The following GLB1L variants were observed in gnomAD, a reference collection of about 807,000 sequenced individuals.
GLB1L encodes the protein galactosidase beta 1 like.
A neutral mutation model predicts 75.7 loss-of-function variants in GLB1L; 58 were observed. The ratio of observed to expected loss-of-function variants is 0.77; its 90% CI spans 0.62 to 0.95. The LOEUF (loss-of-function observed/expected upper bound fraction) is 0.95, where lower values mean the gene tolerates loss of function less well. Among genes scored for constraint, GLB1L ranks in the 40% least tolerant of loss-of-function variants. GLB1L has a pLI of 0.00. For missense variants in GLB1L, 797 were observed against 805.5 expected, an observed-to-expected ratio of 0.99 and a Z score of 0.13; for synonymous variants, 296 against 303.0, an observed-to-expected ratio of 0.98 and a Z score of 0.24.
chr2:219,243,326 A>C lies in GLB1L; in HGVS notation c.73-12T>G, dbSNP rs908723872. 1 of 1,590,382 alleles carries C rather than the reference A, an allele frequency of 6.3e-7. No individual in the cohort carries two copies. Among genetic ancestry groups the C allele is most frequent in the Middle Eastern group, 1.7e-4 (1 of 5,932 alleles). ...GACCGAGTGTCTGCCTATAAAGAGA[A>C]AGAGACGCTGCTCAGCAGACGCCTG... is the stretch of plus-strand genomic sequence containing the variant. On this transcript the variant is annotated splice_polypyrimidine_tract_variant and intron_variant, in intron 2 of 16. Coordinates refer to ENST00000295759, the MANE Select transcript of GLB1L (RefSeq NM_001286423.2).
chr2:219,238,201 C>G, intron 14 of GLB1L, 49 bp downstream of exon 14: 1 of 1,348,580 alleles, frequency 7.4e-7, no homozygotes, highest in Non-Finnish European at 1.0e-6. Context: ...CTAACGCTTC[C>G]TGGGGAAGGG....
At chr2:219,245,169 A>C (rs973805965) in intron 1 of GLB1L, 60 bp downstream of exon 1, 3 of 152,440 alleles carry the variant, frequency 2.0e-5, no homozygotes, top group Non-Finnish European at 4.4e-5. Context: ...ATCCCCCTCC[A>C]GGCTGCAGTG....
intron 4 of GLB1L, 48 bp downstream of exon 4, chr2:219,242,720 G>A (rs372018600): frequency 9.3e-6 from 15 of 1,607,968 alleles, no homozygotes; most frequent in Non-Finnish European, 1.3e-5. Context: ...GAGTAGTCTA[G>A]GAACTGCACA....
Position 219,236,922 on chromosome 2 carries a change from C to T in GLB1L, c.*150G>A, listed in dbSNP as rs1433219961. 10 of 588,160 alleles carry T rather than the reference C, an allele frequency of 1.7e-5. No individual in the cohort carries two copies. The highest frequency in any genetic ancestry group is 9.3e-5 in the African/African-American group (5 of 53,572). The allele number at this position is 588,160 out of a possible 1,614,324, so 36.4% of individuals were successfully genotyped here. Reference sequence around the variant, plus strand: ...CTGGGATTAGAGGTGCCCACCATCACGCCCGGCTAATTTTTGTATTTTTAG... The same window carrying T: ...CTGGGATTAGAGGTGCCCACCATCATGCCCGGCTAATTTTTGTATTTTTAG... On this transcript the variant is annotated 3_prime_UTR_variant, in exon 17 of 17. Transcript: ENST00000295759.
intron 11 of GLB1L, among the ~76,000 whole-genome samples, 153 bp from the exon 12 acceptor site, chr2:219,238,932 A>G (rs1951319821): frequency 6.6e-6 from 1 of 152,232 alleles, no homozygotes; most frequent in African/African-American, 2.4e-5. Context: ...GTCTTCACAC[A>G]TAGTCCCATT....
At chr2:219,240,683 G>A (rs574716456) in intron 5 of GLB1L, among the ~76,000 whole-genome samples, 1 of 152,292 alleles carries the variant, frequency 6.6e-6, no homozygotes, top group South Asian at 2.1e-4. Context: ...GGCAGAGGTT[G>A]CAGTGAGCCG....
At chr2:219,241,194 C>T (rs1951376417) in intron 5 of GLB1L, among the ~76,000 whole-genome samples, 1 of 151,746 alleles carries the variant, frequency 6.6e-6, no homozygotes, top group Non-Finnish European at 1.5e-5. Context: ...TCCTGGCTAA[C>T]ACAGTGAAAC....
rs749004476 is a variant in GLB1L at position 219,239,697 on chromosome 2, G to A, written c.781-15C>T. On this transcript the variant is annotated splice_polypyrimidine_tract_variant and intron_variant, in intron 8 of 16. Coordinates refer to ENST00000295759, the MANE Select transcript of GLB1L (RefSeq NM_001286423.2). Reference sequence around the variant, plus strand: ...TCAGAGTTTACCTAGAGTGTGAAATGAAAGGAGTGTGAGTGAGATGGAACT... The same window carrying A: ...TCAGAGTTTACCTAGAGTGTGAAATAAAAGGAGTGTGAGTGAGATGGAACT... 6.8e-6 allele frequency: 11 copies of A among 1,614,182 alleles called. No individual in the cohort carries two copies. The highest frequency in any genetic ancestry group is 1.7e-5 in the Admixed American group (1 of 60,024).
chr2:219,242,623 G>A, intron 4 of GLB1L, 49 bp from the exon 5 acceptor site: 1 of 1,560,830 alleles, frequency 6.4e-7, no homozygotes, highest in South Asian at 1.1e-5. Flanking sequence ...TTTGTTTTGG[G>A]GTGTGGTGGG....
chr2:219,244,731 T>C (rs1291135841), intron 1 of GLB1L, among the ~76,000 whole-genome samples: 1 of 152,250 alleles, frequency 6.6e-6, no homozygotes, highest in Non-Finnish European at 1.5e-5. Context: ...CTGAAGGCTA[T>C]GTGTCAGATA....
In GLB1L at chr2:219,237,012, C is replaced by T. The variant is rs571334016; in HGVS notation, c.*60G>A. On this transcript the variant is annotated 3_prime_UTR_variant, in exon 17 of 17. Coordinates refer to ENST00000295759, the MANE Select transcript of GLB1L (RefSeq NM_001286423.2). ...AAGTCCTGACCTCAGGTAATCCACC[C>T]GTCTCAGCCTCCCAAAGTGCTGGGA... 539 of 1,269,606 alleles carry T rather than the reference C, an allele frequency of 4.2e-4. No homozygotes were observed. Among genetic ancestry groups the T allele is most frequent in the Admixed American group, 6.6e-4 (36 of 54,262 alleles). 78.6% of individuals were successfully genotyped at this position (1,269,606 alleles called of 1,614,324 possible).
At position 219,238,707 on chromosome 2, in the gene GLB1L, G is replaced by A. The variant is rs762947124; in HGVS notation, c.1135C>T (p.Leu379=). 1.9e-6 allele frequency: 3 copies of A among 1,613,858 alleles called. No homozygotes were observed. The South Asian group carries it at 3.3e-5, about 18-fold the overall frequency. The change falls in exon 12 of 17, where the codon CTG becomes TTG. Residue 379 remains leucine, a splice_region_variant and synonymous_variant. Transcript: ENST00000295759. Reference sequence around the variant, plus strand: ...AGAAAAGATGTGGAGGAACTTACCAGGTGCAGAGTCACAGGTCCAAGCATC... The same window carrying A: ...AGAAAAGATGTGGAGGAACTTACCAAGTGCAGAGTCACAGGTCCAAGCATC... ...KMMLGPVTLH[L]VGHLLAFLDL... is the part of the protein sequence containing the mutation.
At position 219,238,700 on chromosome 2, in the gene GLB1L, C is replaced by A; in HGVS notation, c.1137+5G>T. 6.2e-7 allele frequency: 1 copy of A among 1,613,688 alleles called. No individual in the cohort carries two copies. The highest frequency in any genetic ancestry group is 8.5e-7 in the Non-Finnish European group (1 of 1,179,774). On this transcript the variant is annotated splice_donor_5th_base_variant and intron_variant, in intron 12 of 16. Transcript: ENST00000295759. Reference sequence around the variant, plus strand: ...GTATAAGAGAAAAGATGTGGAGGAACTTACCAGGTGCAGAGTCACAGGTCC... The same window carrying A: ...GTATAAGAGAAAAGATGTGGAGGAAATTACCAGGTGCAGAGTCACAGGTCC...
At position 219,244,214 on chromosome 2, in the gene GLB1L, T is replaced by C. The variant is rs536796928; in HGVS notation, c.-70-571A>G. Among the ~76,000 whole-genome samples, 14 of 152,194 alleles carry C rather than the reference T, an allele frequency of 9.2e-5. No individual in the cohort carries two copies. In the South Asian group the frequency reaches 2.9e-3, roughly 32 times the overall value. ...TACCTCAGACCTATAGAATCAGAAT[T>C]TGTATTTTAACAAGATTCCCAGGTG... On this transcript the variant is annotated intron_variant, in intron 1 of 16. Coordinates refer to ENST00000295759, the MANE Select transcript of GLB1L (RefSeq NM_001286423.2).
chr2:219,243,074 C>T lies in GLB1L; in HGVS notation c.239+74G>A, dbSNP rs1004192428. On this transcript the variant is annotated intron_variant, in intron 3 of 16. Transcript: ENST00000295759. Reference sequence around the variant, plus strand: ...CTAGGAGTCCTGGCAGTCTTCCTGTCCCGACCTTCTTTATAAGGGGGCGGT... The same window carrying T: ...CTAGGAGTCCTGGCAGTCTTCCTGTTCCGACCTTCTTTATAAGGGGGCGGT... 12 of 1,554,814 alleles carry T rather than the reference C, an allele frequency of 7.7e-6. No individual in the cohort carries two copies. The African/African-American group carries it at 9.6e-5, about 12-fold the overall frequency.
chr2:219,238,031 A>T (rs938982742), intron 14 of GLB1L, 74 bp from the exon 15 acceptor site: 11 of 1,459,432 alleles, frequency 7.5e-6, no homozygotes, highest in Non-Finnish European at 9.5e-6. Context: ...ACCACACATT[A>T]GGATACTTAT....
In GLB1L at chr2:219,237,095, G is replaced by A. The variant is rs777603231; in HGVS notation, c.1942C>T (p.Pro648Ser). Residue 648 changes from proline to serine, a missense_variant, in exon 17 of 17, where the codon CCA becomes TCA. Transcript: ENST00000295759. ...TTTCAGTGCCCACTTAACTCCATTG[G>A]TTCAGAGGCACTCAGTGTATCAGCT... is the stretch of plus-strand genomic sequence containing the variant. ...LSADTLSASE[P>S]MELSGH 1.4e-5 allele frequency: 22 copies of A among 1,610,556 alleles called. No individual in the cohort carries two copies. Among genetic ancestry groups the A allele is most frequent in the East Asian group, 2.2e-5 (1 of 44,802 alleles).
intron 5 of GLB1L, among the ~76,000 whole-genome samples, chr2:219,240,642 G>C (rs1355528332): frequency 6.6e-6 from 1 of 152,316 alleles, no homozygotes; most frequent in African/African-American, 2.4e-5. Flanking sequence ...TACTCAGGAG[G>C]CTGAGACAGG....
At chr2:219,241,465 T>TATATATATATATATATAC (rs1457421471) in intron 5 of GLB1L, among the ~76,000 whole-genome samples, 1 of 136,540 alleles carries the variant, frequency 7.3e-6, no homozygotes, top group Admixed American at 8.2e-5. Context: ...TATATATATA[T>TATATATATATATATATAC]ACATACATAT....
Sources: gnomAD v4.1 joint callset for allele counts (sites outside exome capture counted in the v4.1 genomes callset) on GRCh38, gnomAD v4.1.1 for gene constraint, MANE v1.5 for transcripts, NCBI Gene and HGNC (gene_info 2026-07-23, HGNC 2026-07-21) for gene names.